The following TEAD1 variants were observed in gnomAD, a reference collection of about 807,000 sequenced individuals.
The protein encoded by TEAD1 is TEA domain transcription factor 1.
In TEAD1, 9 loss-of-function variants were observed where a neutral mutation model predicts 54.9. The observed-to-expected ratio is 0.16, with a 90% CI of 0.10 to 0.29. TEAD1 has a LOEUF of 0.29. Ranked by LOEUF, TEAD1 falls within the 10% of genes least tolerant of loss-of-function variation. The pLI is 1.00. For synonymous variants in TEAD1, 200 were observed against 187.8 expected (o/e 1.07, Z -0.53); for missense variants, 387 against 535.9 (o/e 0.72, Z 2.74).
At chr11:12,924,844 A>G in intron 10 of TEAD1, 68 bp from the exon 11 acceptor site, 1 of 1,596,614 alleles carries the variant, frequency 6.3e-7, no homozygotes, top group South Asian at 1.1e-5. Context: ...TTACCCTGAA[A>G]GTTACTGCTC....
intron 3 of TEAD1, among the ~76,000 whole-genome samples, chr11:12,832,092 C>T (rs1590194053): frequency 6.6e-6 from 1 of 152,130 alleles, no homozygotes; most frequent in East Asian, 1.9e-4. Context: ...CACTGTCCCC[C>T]CACCCCCAAC....
chr11:12,689,780 A>G (rs1204788146), intron 2 of TEAD1, among the ~76,000 whole-genome samples: 2 of 152,100 alleles, frequency 1.3e-5, no homozygotes, highest in African/African-American at 2.4e-5. Flanking sequence ...TCATCACCTC[A>G]TGGCTATTCT....
At position 12,936,258 on chromosome 11, in the gene TEAD1, A is replaced by G. The variant is rs910731096; in HGVS notation, c.1168-851A>G. 4.7e-4 allele frequency among the ~76,000 whole-genome samples: 72 copies of G among 152,312 alleles called. 1 individual carries two copies. Among genetic ancestry groups the G allele is most frequent in the African/African-American group, 1.6e-3 (66 of 41,574 alleles). On this transcript the variant is annotated intron_variant, in intron 12 of 12. Transcript: ENST00000527636. ...TCTGTGTGGTGTGGAGGGAGCTGCA[A>G]TGATTTGGGCTGGAGAACTCAAAAT... is the stretch of plus-strand genomic sequence containing the variant.
chr11:12,796,772 A>G (rs895584228), intron 3 of TEAD1, among the ~76,000 whole-genome samples: 3 of 151,752 alleles, frequency 2.0e-5, no homozygotes, highest in Non-Finnish European at 4.4e-5. Context: ...ATAAACATGG[A>G]AGAGTTATTG....
chr11:12,941,722 G>A lies in TEAD1; in HGVS notation c.*4500G>A, dbSNP rs1022208743. 3 of 152,594 alleles carry A rather than the reference G, an allele frequency of 2.0e-5. No individual in the cohort carries two copies. The highest frequency in any genetic ancestry group is 1.3e-4 in the Admixed American group (2 of 15,270). The allele number at this position is 152,594 out of a possible 1,614,324, so 9.5% of individuals were successfully genotyped here. ...GCCCTGCACATGGCATTTCTGAAAA[G>A]CCTTAAATCTTTAAGATGTTGCATG... is the stretch of plus-strand genomic sequence containing the variant. On this transcript the variant is annotated 3_prime_UTR_variant, in exon 13 of 13. Coordinates refer to ENST00000527636, the MANE Select transcript of TEAD1 (RefSeq NM_021961.6).
At chr11:12,700,930 T>C (rs1330361170) in intron 2 of TEAD1, among the ~76,000 whole-genome samples, 1 of 152,200 alleles carries the variant, frequency 6.6e-6, no homozygotes, top group East Asian at 1.9e-4. Context: ...CTTAGCTCGC[T>C]GTGATGGTCG....
At chr11:12,908,289 C>G (rs1403621108) in intron 10 of TEAD1, among the ~76,000 whole-genome samples, 7 of 152,190 alleles carry the variant, frequency 4.6e-5, no homozygotes, top group Non-Finnish European at 1.5e-5. Context: ...CAACTAGGGA[C>G]CACCTCTGAA....
At chr11:12,909,162 C>G (rs1237468572) in intron 10 of TEAD1, among the ~76,000 whole-genome samples, 1 of 152,144 alleles carries the variant, frequency 6.6e-6, no homozygotes, top group Admixed American at 6.5e-5. Flanking sequence ...TTCGATTCTT[C>G]CTCATTCTCT....
chr11:12,837,415 T>C (rs1946916083), intron 3 of TEAD1, among the ~76,000 whole-genome samples: 1 of 152,182 alleles, frequency 6.6e-6, no homozygotes, highest in Non-Finnish European at 1.5e-5. Context: ...GATTAGAGTC[T>C]CTTTGGAAGC....
intron 3 of TEAD1, among the ~76,000 whole-genome samples, chr11:12,824,258 A>G (rs1184976824): frequency 1.3e-5 from 2 of 152,208 alleles, no homozygotes; most frequent in African/African-American, 4.8e-5. Context: ...TACACTGGAC[A>G]CTGGGCTCTG....
rs1948003907 is a variant in TEAD1, at chr11:12,883,137, C to T, written c.699+12C>T. On this transcript the variant is annotated intron_variant, in intron 9 of 12. Coordinates refer to ENST00000527636, the MANE Select transcript of TEAD1 (RefSeq NM_021961.6). ...GAGACCCAGACTCGGTGAGTGTGCC[C>T]AGAGAGGTGTGTCTTGAATCCAGGA... 6.2e-7 allele frequency: 1 copy of T among 1,614,020 alleles called. No individual in the cohort carries two copies. The highest frequency in any genetic ancestry group is 8.5e-7 in the Non-Finnish European group (1 of 1,180,042).
At chr11:12,924,559 AT>A (rs780600608) in intron 10 of TEAD1, among the ~76,000 whole-genome samples, 1 of 152,210 alleles carries the variant, frequency 6.6e-6, no homozygotes, top group Non-Finnish European at 1.5e-5. Context: ...TTTTTAAAAA[AT>A]ATCTCTAAAG....
chr11:12,792,136 T>A (rs1945815572), intron 3 of TEAD1, among the ~76,000 whole-genome samples: 1 of 152,140 alleles, frequency 6.6e-6, no homozygotes, highest in African/African-American at 2.4e-5. Flanking sequence ...ATCACCTCTC[T>A]GATCAGAAAG....
intron 3 of TEAD1, among the ~76,000 whole-genome samples, chr11:12,794,791 T>C (rs1054212602): frequency 6.6e-6 from 1 of 152,230 alleles, no homozygotes; most frequent in African/African-American, 2.4e-5. Context: ...AGCCTGTGAA[T>C]GCCTTCCAAG....
chr11:12,775,767 A>ATTATGTTTCTGTATTAATG (rs1199206716), intron 3 of TEAD1, among the ~76,000 whole-genome samples: 1 of 152,190 alleles, frequency 6.6e-6, no homozygotes, highest in Non-Finnish European at 1.5e-5. Context: ...CTCGGTTTCT[A>ATTATGTTTCTGTATTAATG]TTATGTTTCT....
intron 2 of TEAD1, among the ~76,000 whole-genome samples, chr11:12,720,577 G>A (rs1434072814): frequency 1.3e-5 from 2 of 152,196 alleles, no homozygotes; most frequent in East Asian, 3.8e-4. Flanking sequence ...GGCTTGGAAG[G>A]TGAAGGTCTC....
At chr11:12,795,897 C>T (rs566007631) in intron 3 of TEAD1, among the ~76,000 whole-genome samples, 1 of 152,310 alleles carries the variant, frequency 6.6e-6, no homozygotes, top group East Asian at 1.9e-4. Flanking sequence ...GCCATTGAAT[C>T]AGATCTCTGA....
At chr11:12,709,570 G>T (rs1943890952) in intron 2 of TEAD1, among the ~76,000 whole-genome samples, 1 of 152,030 alleles carries the variant, frequency 6.6e-6, no homozygotes, top group African/African-American at 2.4e-5. Flanking sequence ...TTCCAGGTTG[G>T]AGTGCAATGG....
At chr11:12,741,195 T>A (rs1944643581) in intron 2 of TEAD1, among the ~76,000 whole-genome samples, 1 of 152,210 alleles carries the variant, frequency 6.6e-6, no homozygotes, top group Non-Finnish European at 1.5e-5. Context: ...TAGTTCATTT[T>A]AATTATTCTT....
Sources: gnomAD v4.1 joint callset for allele counts (sites outside exome capture counted in the v4.1 genomes callset) on GRCh38, gnomAD v4.1.1 for gene constraint, MANE v1.5 for transcripts, NCBI Gene and HGNC (gene_info 2026-07-23, HGNC 2026-07-21) for gene names.